COP1: variants seen among roughly 807,000 people sequenced by gnomAD.
COP1 encodes COP1 E3 ubiquitin ligase.
Under a neutral mutation model 101.3 loss-of-function variants are expected in COP1, and 24 were observed. The ratio of observed to expected loss-of-function variants is 0.24; its 90% CI spans 0.17 to 0.33. The LOEUF (loss-of-function observed/expected upper bound fraction) is 0.33, where lower values mean the gene tolerates loss of function less well. COP1 is among the 10% of genes least tolerant of loss of function. The probability of loss-of-function intolerance (pLI) is 1.00; values close to 1 mark genes in which losing one functional copy is unlikely to be tolerated. For synonymous variants in COP1, 347 were observed against 341.9 expected (o/e 1.01, Z -0.17); for missense variants, 663 against 906.2 (o/e 0.73, Z 3.45).
At chr1:176,043,609 T>A in intron 13 of COP1, 101 bp downstream of exon 13, 1 of 746,750 alleles carries the variant, frequency 1.3e-6, no homozygotes. Context: ...AAATACTAAA[T>A]AGTGACTTCA....
chr1:176,021,900 A>G (rs968920220), intron 15 of COP1, among the ~76,000 whole-genome samples: 2 of 152,256 alleles, frequency 1.3e-5, no homozygotes, highest in African/African-American at 4.8e-5. Context: ...GGATTTCTCT[A>G]GCTGACAGAT....
intron 15 of COP1, among the ~76,000 whole-genome samples, chr1:175,990,943 G>C (rs1353684485): frequency 6.7e-6 from 1 of 149,704 alleles, no homozygotes; most frequent in Non-Finnish European, 1.5e-5. Context: ...GCCAATCCCT[G>C]AATGTTACAA....
chr1:175,953,181 A>C (rs1475829036), intron 18 of COP1, among the ~76,000 whole-genome samples: 1 of 152,174 alleles, frequency 6.6e-6, no homozygotes, highest in Non-Finnish European at 1.5e-5. Flanking sequence ...CTGAAGACAG[A>C]CTGTAAAAAG....
Position 176,027,433 on chromosome 1 carries a change from G to A in COP1, c.1729+139C>T, listed in dbSNP as rs183402949. The A allele has an allele frequency of 1.5e-5, 10 of 651,080 alleles. No homozygotes were observed. The East Asian group carries it at 2.4e-4, about 15-fold the overall frequency. 40.3% of individuals were successfully genotyped at this position (651,080 alleles called of 1,614,324 possible). On this transcript the variant is annotated intron_variant, in intron 15 of 19. Coordinates refer to ENST00000367669, the MANE Select transcript of COP1 (RefSeq NM_022457.7). The stretch of plus-strand genomic sequence containing the variant: ...ACTAAATGAGTAATGATGGCATACT[G>A]TATACTTCTAATTTAGAGCCTAATA...
intron 15 of COP1, among the ~76,000 whole-genome samples, chr1:176,000,909 C>G (rs1256065442): frequency 6.6e-6 from 1 of 151,954 alleles, no homozygotes; most frequent in South Asian, 2.1e-4. Context: ...TTCAGATGAT[C>G]ACTAATTTAA....
At chr1:175,981,859 C>A (rs906901429) in intron 18 of COP1, among the ~76,000 whole-genome samples, 6 of 151,938 alleles carry the variant, frequency 3.9e-5, no homozygotes, top group Admixed American at 2.6e-4. Context: ...AAAAGACATA[C>A]AAATAACAAA....
intron 9 of COP1, among the ~76,000 whole-genome samples, chr1:176,103,251 T>C (rs1340676578): frequency 6.6e-6 from 1 of 152,216 alleles, no homozygotes; most frequent in African/African-American, 2.4e-5. Flanking sequence ...GTGAAGTGAC[T>C]TAGGGTGAGA....
intron 11 of COP1, among the ~76,000 whole-genome samples, chr1:176,061,579 TCACGCCATTGAA>T (rs1291838705): frequency 6.6e-6 from 1 of 152,102 alleles, no homozygotes; most frequent in Non-Finnish European, 1.5e-5. Flanking sequence ...TCAGCCGTGA[TCACGCCATTGAA>T]CTCCAGCCTG....
chr1:175,950,439 A>G (rs1274296907), intron 18 of COP1, among the ~76,000 whole-genome samples: 1 of 152,168 alleles, frequency 6.6e-6, no homozygotes, highest in East Asian at 1.9e-4. Context: ...ATAAGACCAG[A>G]TATTTTACTT....
In COP1 at chr1:175,993,869, T is replaced by G. The variant is rs531145528; in HGVS notation, c.1730-4390A>C. Among the ~76,000 whole-genome samples the G allele has an allele frequency of 1.1e-3, 162 of 152,214 alleles. 2 individuals carry two copies. The South Asian group carries it at 0.022, about 21-fold the overall frequency. Reference sequence around the variant, plus strand: ...CCCCAATCTAGCAAGGCAGGCCAACTTTCAGATTCAGGAAATATAGAGAAC... The same window carrying G: ...CCCCAATCTAGCAAGGCAGGCCAACGTTCAGATTCAGGAAATATAGAGAAC... On this transcript the variant is annotated intron_variant, in intron 15 of 19. Transcript: ENST00000367669.
chr1:176,093,140 CT>C, intron 9 of COP1, among the ~76,000 whole-genome samples: 1 of 151,876 alleles, frequency 6.6e-6, no homozygotes, highest in Non-Finnish European at 1.5e-5. Flanking sequence ...TGTGGTAAAA[CT>C]TTTTTAAAAG....
chr1:176,122,674 C>T (rs1486106458), intron 8 of COP1, among the ~76,000 whole-genome samples: 1 of 152,162 alleles, frequency 6.6e-6, no homozygotes, highest in Non-Finnish European at 1.5e-5. Flanking sequence ...GTAACAGTTA[C>T]ATAATGCATA....
intron 18 of COP1, among the ~76,000 whole-genome samples, chr1:175,973,843 G>T (rs140883361): frequency 1.1e-3 from 161 of 152,284 alleles, no homozygotes; most frequent in Middle Eastern, 6.8e-3. Context: ...CAGAAGTGCA[G>T]GAAAGGGTAT....
chr1:176,138,818 TTTGGGTTCATGGACA>T (rs1438643798), intron 6 of COP1, among the ~76,000 whole-genome samples: 2 of 152,162 alleles, frequency 1.3e-5, no homozygotes, highest in Non-Finnish European at 2.9e-5. Context: ...CACTGAGGCC[TTTGGGTTCATGGACA>T]TTTTCAACTC....
intron 15 of COP1, among the ~76,000 whole-genome samples, chr1:176,000,039 T>A (rs1186490769): frequency 7.2e-5 from 11 of 152,124 alleles, no homozygotes; most frequent in Non-Finnish European, 1.6e-4. Context: ...TTTGCAAATA[T>A]TTTCTCCCAT....
At chr1:176,151,371 AAGAAAG>A (rs1458878928) in intron 5 of COP1, among the ~76,000 whole-genome samples, 1 of 107,096 alleles carries the variant, frequency 9.3e-6, no homozygotes, top group South Asian at 3.2e-4. Flanking sequence ...GAAAGAAAGA[AAGAAAG>A]AAAGAAAGAA....
chr1:176,161,728 T>C (rs991095527), intron 5 of COP1, among the ~76,000 whole-genome samples: 2 of 152,190 alleles, frequency 1.3e-5, no homozygotes, highest in Non-Finnish European at 2.9e-5. Flanking sequence ...ACACAACCCC[T>C]GGCAAACAGT....
chr1:176,036,045 G>T (rs186592784), intron 14 of COP1, among the ~76,000 whole-genome samples: 2 of 151,954 alleles, frequency 1.3e-5, no homozygotes, highest in East Asian at 3.9e-4. Context: ...AAATCAAACA[G>T]AATTTTAAAC....
intron 15 of COP1, among the ~76,000 whole-genome samples, chr1:176,004,886 T>A (rs535331842): frequency 6.6e-6 from 1 of 151,812 alleles, no homozygotes; most frequent in South Asian, 2.1e-4. Context: ...TAGGGAGGAT[T>A]CCCTCTTTTT....
Sources: gnomAD v4.1 joint callset for allele counts (sites outside exome capture counted in the v4.1 genomes callset) on GRCh38, gnomAD v4.1.1 for gene constraint, MANE v1.5 for transcripts, NCBI Gene and HGNC (gene_info 2026-07-23, HGNC 2026-07-21) for gene names.